Variants in BMAL2 observed in about 807,000 individuals in gnomAD.
The protein encoded by BMAL2 is basic helix-loop-helix ARNT like 2, also known as basic helix-loop-helix ARNT-like protein 2.
the BMAL2 span, among the ~76,000 whole-genome samples, chr12:27,401,888 A>G: frequency 1.3e-5 from 2 of 152,144 alleles, no homozygotes; most frequent in African/African-American, 2.4e-5. Flanking sequence ...ATTCCTTCTT[A>G]CTTGATATAA....
the BMAL2 span, among the ~76,000 whole-genome samples, chr12:27,383,115 C>A: frequency 6.6e-6 from 1 of 152,116 alleles, no homozygotes; most frequent in Non-Finnish European, 1.5e-5. Context: ...CACACGCATG[C>A]GTCCTGAAGG....
chr12:27,348,126 C>T, the BMAL2 span, among the ~76,000 whole-genome samples: 2 of 152,212 alleles, frequency 1.3e-5, no homozygotes, highest in Non-Finnish European at 2.9e-5. Flanking sequence ...TTCCCACCTG[C>T]TAAGTGATTG....
the BMAL2 span, among the ~76,000 whole-genome samples, chr12:27,407,725 A>G: frequency 0.02 from 3,058 of 152,222 alleles, 38 homozygotes; most frequent in Middle Eastern, 0.041. Flanking sequence ...CTAGCAGAAG[A>G]CAAGAAATAA....
At chr12:27,424,173 C>T in the BMAL2 span, 2 of 152,068 alleles carry the variant, frequency 1.3e-5, no homozygotes, top group Non-Finnish European at 1.5e-5. Flanking sequence ...TATTGGACAG[C>T]GCTGCTCTAG....
chr12:27,372,816 G>A, the BMAL2 span, among the ~76,000 whole-genome samples: 1 of 152,088 alleles, frequency 6.6e-6, no homozygotes, highest in African/African-American at 2.4e-5. Context: ...TGGGACTACA[G>A]GCGCCCACCA....
the BMAL2 span, among the ~76,000 whole-genome samples, chr12:27,354,579 T>A: frequency 3.3e-5 from 5 of 151,966 alleles, no homozygotes; most frequent in South Asian, 8.3e-4. Context: ...AAATGAGATT[T>A]AAAAAAAACC....
chr12:27,368,485 A>G, the BMAL2 span: 2 of 1,513,176 alleles, frequency 1.3e-6, no homozygotes, highest in Non-Finnish European at 1.8e-6. Flanking sequence ...TCCTTTTAAA[A>G]TCATTAATTA....
At chr12:27,412,332 A>T in the BMAL2 span, among the ~76,000 whole-genome samples, 13 of 152,272 alleles carry the variant, frequency 8.5e-5, no homozygotes, top group South Asian at 2.5e-3. Context: ...CAGAGACTCA[A>T]TTGAGAGAGG....
the BMAL2 span, among the ~76,000 whole-genome samples, chr12:27,419,911 T>C: frequency 6.6e-6 from 1 of 152,168 alleles, no homozygotes; most frequent in Admixed American, 6.5e-5. Context: ...TATAAGAAAA[T>C]TCCAAATCTT....
At chr12:27,333,144 C>G in the BMAL2 span, 1 of 1,202,728 alleles carries the variant, frequency 8.3e-7, no homozygotes, top group Non-Finnish European at 1.0e-6. Flanking sequence ...CAGGTGGGCG[C>G]GCGGCGTCTG....
At chr12:27,357,424 G>A in the BMAL2 span, among the ~76,000 whole-genome samples, 2 of 152,080 alleles carry the variant, frequency 1.3e-5, no homozygotes, top group Non-Finnish European at 2.9e-5. Context: ...TCAATATTGT[G>A]AAAATGACCA....
chr12:27,336,881 C>T, the BMAL2 span, among the ~76,000 whole-genome samples: 1 of 138,726 alleles, frequency 7.2e-6, no homozygotes, highest in Non-Finnish European at 1.5e-5. Context: ...ACCTGGGAGG[C>T]AGAGGTTGTA....
the BMAL2 span, among the ~76,000 whole-genome samples, chr12:27,362,900 C>A: frequency 6.6e-6 from 1 of 152,084 alleles, no homozygotes; most frequent in South Asian, 2.1e-4. Context: ...AACTCCTGGA[C>A]TCAGGCAATC....
the BMAL2 span, chr12:27,389,971 C>A: frequency 1.8e-6 from 2 of 1,116,820 alleles, no homozygotes; most frequent in Admixed American, 2.2e-5. Flanking sequence ...TACAATCATG[C>A]CATTGCTTTA....
At chr12:27,351,488 TGC>T in the BMAL2 span, among the ~76,000 whole-genome samples, 3 of 152,320 alleles carry the variant, frequency 2.0e-5, no homozygotes, top group East Asian at 5.8e-4. Context: ...TGCCCTTGAA[TGC>T]GCTTTTCAAA....
chr12:27,341,419 AT>A, the BMAL2 span, among the ~76,000 whole-genome samples: 1 of 152,198 alleles, frequency 6.6e-6, no homozygotes, highest in Non-Finnish European at 1.5e-5. Flanking sequence ...AATCATATTT[AT>A]TGATTTGCAT....
the BMAL2 span, among the ~76,000 whole-genome samples, chr12:27,367,999 G>A: frequency 6.6e-6 from 1 of 151,436 alleles, no homozygotes; most frequent in Non-Finnish European, 1.5e-5. Flanking sequence ...TGCCCACATT[G>A]TGCCTGGCTA....
chr12:27,360,749 G>A, the BMAL2 span, among the ~76,000 whole-genome samples: 3 of 120,660 alleles, frequency 2.5e-5, no homozygotes, highest in African/African-American at 9.5e-5. Context: ...TGTGGTTTGC[G>A]GGAAATTTCT....
the BMAL2 span, among the ~76,000 whole-genome samples, chr12:27,347,271 T>TC: frequency 6.6e-6 from 1 of 152,136 alleles, no homozygotes; most frequent in South Asian, 2.1e-4. Context: ...CATCAAAACT[T>TC]CAAGATTACA....
Sources: gnomAD v4.1 joint callset for allele counts (sites outside exome capture counted in the v4.1 genomes callset) on GRCh38, gnomAD v4.1.1 for gene constraint, MANE v1.5 for transcripts, NCBI Gene and HGNC (gene_info 2026-07-23, HGNC 2026-07-21) for gene names.